Variants in TESMIN observed in about 807,000 individuals in gnomAD.
The protein encoded by TESMIN is CXC domain containing 2.
In TESMIN, 34 loss-of-function variants were observed where a neutral mutation model predicts 47.4. The ratio of observed to expected loss-of-function variants is 0.72; its 90% CI spans 0.55 to 0.96. The LOEUF is 0.96. Among genes scored for constraint, TESMIN ranks in the 40% least tolerant of loss-of-function variants. The pLI, the probability that TESMIN is intolerant of heterozygous loss-of-function variation, is 0.00. For missense variants in TESMIN, 610 were observed against 637.2 expected (o/e 0.96, Z 0.46); for synonymous variants, 278 against 258.9 (o/e 1.07, Z -0.71).
intron 6 of TESMIN, among the ~76,000 whole-genome samples, chr11:68,719,778 C>G (rs1047445235): frequency 3.9e-5 from 6 of 152,102 alleles, no homozygotes; most frequent in Non-Finnish European, 4.4e-5. Flanking sequence ...AGATGCAGCA[C>G]AGAAGACAGA....
In TESMIN at chr11:68,750,311, G is replaced by C. The variant is rs749607646; in HGVS notation, c.350C>G (p.Pro117Arg). The C allele has an allele frequency of 1.3e-6, 2 of 1,520,976 alleles. No homozygotes were observed. Among genetic ancestry groups the C allele is most frequent in the African/African-American group, 2.8e-5 (2 of 70,900 alleles). 94.2% of individuals were successfully genotyped at this position (1,520,976 alleles called of 1,614,324 possible). Reference sequence around the variant, plus strand: ...CAGGAAGTGCACGTTGCAGGCGGGCGGCTGCGGGGCCTGCAGGAGCGCGAC... The same window carrying C: ...CAGGAAGTGCACGTTGCAGGCGGGCCGCTGCGGGGCCTGCAGGAGCGCGAC... Reference protein sequence around the residue: ...EDVALLQAPQPPACNVHFLSS... With the variant: ...EDVALLQAPQRPACNVHFLSS... Residue 117 changes from proline to arginine, a missense_variant, in exon 2 of 10, where the codon CCG becomes CGG. Physicochemically the swap from Pro to Arg is moderately radical, Grantham distance 103. Transcript: ENST00000255087.
At chr11:68,735,856 A>G (rs1482821551) in intron 6 of TESMIN, among the ~76,000 whole-genome samples, 1 of 152,256 alleles carries the variant, frequency 6.6e-6, no homozygotes, top group African/African-American at 2.4e-5. Context: ...TTTCTTCACT[A>G]TTACTCAACA....
At chr11:68,737,547 C>A (rs986666794) in intron 6 of TESMIN, 2 of 985,650 alleles carry the variant, frequency 2.0e-6, no homozygotes, top group Non-Finnish European at 2.4e-6. Flanking sequence ...CTGGAGGCTG[C>A]GGGCTGTATC....
rs1946057700 is a variant in TESMIN, at chr11:68,710,969, C to G, written c.1239G>C (p.Met413Ile). 4 of 1,613,948 alleles carry G rather than the reference C, an allele frequency of 2.5e-6. No individual in the cohort carries two copies. Among genetic ancestry groups the G allele is most frequent in the Non-Finnish European group, 3.4e-6 (4 of 1,179,884 alleles). ...YEESPERKTL[M>I]SMPNYMQTGG... The stretch of plus-strand genomic sequence containing the variant: ...CAGTCTGCATGTAGTTTGGCATGCT[C>G]ATTAGTGTCTTTCGTTCTGGGCTTT... Residue 413 changes from methionine (M) to isoleucine (I), a missense_variant, in exon 9 of 10, where the codon ATG becomes ATC. By Grantham distance (10) the Met-to-Ile change is conservative. Transcript: ENST00000255087.
chr11:68,724,997 GA>G (rs1298430560), intron 6 of TESMIN, among the ~76,000 whole-genome samples: 1 of 152,108 alleles, frequency 6.6e-6, no homozygotes, highest in Non-Finnish European at 1.5e-5. Flanking sequence ...ATAAGGCAAG[GA>G]AAAGGGAAAA....
chr11:68,750,431 C>A lies in TESMIN; in HGVS notation c.230G>T (p.Gly77Val), dbSNP rs1337198536. 11 of 1,563,124 alleles carry A rather than the reference C, an allele frequency of 7.0e-6. No homozygotes were observed. Among genetic ancestry groups the A allele is most frequent in the Non-Finnish European group, 8.7e-6 (10 of 1,152,958 alleles). ...CCCCGCGAGCTTCGCCTTGACCTGG[C>A]CCTTGCAGTCGGCGCCCAGCGCGGG... is the stretch of plus-strand genomic sequence containing the variant. ...FNPALGADCKGQVKAKLAGGD... is the reference protein window; with the variant it reads ...FNPALGADCKVQVKAKLAGGD... Residue 77 changes from glycine (G) to valine (V), a missense_variant, in exon 2 of 10, where the codon GGC becomes GTC. Transcript: ENST00000255087.
In TESMIN at chr11:68,750,206, C is replaced by A. The variant is rs201758013; in HGVS notation, c.455G>T (p.Gly152Val). ...GGTTCTTACTGGGATCATGCGGACGCCCGGGTGGGAGGCTCCTTCCAGGAC... is the reference window on the plus strand; with the variant it reads ...GGTTCTTACTGGGATCATGCGGACGACCGGGTGGGAGGCTCCTTCCAGGAC... Reference protein sequence around the residue: ...AWVLEGASHPGVRMIPVEIKE... With the variant: ...AWVLEGASHPVVRMIPVEIKE... Residue 152 changes from glycine (G) to valine (V), a missense_variant, in exon 2 of 10, where the codon GGC (glycine) becomes GTC (valine). Coordinates refer to ENST00000255087, the MANE Select transcript of TESMIN (RefSeq NM_004923.3). The A allele has an allele frequency of 6.7e-7, 1 of 1,491,948 alleles. No homozygotes were observed. Among genetic ancestry groups the A allele is most frequent in the Non-Finnish European group, 8.8e-7 (1 of 1,133,028 alleles). The allele number at this position is 1,491,948 out of a possible 1,614,324, so 92.4% of individuals were successfully genotyped here.
intron 6 of TESMIN, among the ~76,000 whole-genome samples, chr11:68,722,927 A>C (rs912998514): frequency 6.6e-6 from 1 of 152,210 alleles, no homozygotes. Flanking sequence ...GCAAAATAGA[A>C]TTATAAGGAA....
At chr11:68,710,717 T>G in intron 9 of TESMIN, 157 bp downstream of exon 9, 1 of 655,674 alleles carries the variant, frequency 1.5e-6, no homozygotes, top group South Asian at 2.3e-5. Context: ...CCACCCAGGA[T>G]TAGCCCATGG....
chr11:68,715,025 A>T (rs1318563048), intron 7 of TESMIN, among the ~76,000 whole-genome samples: 1 of 152,242 alleles, frequency 6.6e-6, no homozygotes, highest in Non-Finnish European at 1.5e-5. Context: ...TTGGTTAGAT[A>T]TTTCAAGTCA....
At chr11:68,720,938 CTGAAA>C (rs1946196787) in intron 6 of TESMIN, among the ~76,000 whole-genome samples, 1 of 152,044 alleles carries the variant, frequency 6.6e-6, no homozygotes, top group South Asian at 2.1e-4. Context: ...ACTATACATA[CTGAAA>C]TAAGTATATG....
chr11:68,750,427 C>T lies in TESMIN; in HGVS notation c.234G>A (p.Gln78=). 1 of 1,559,162 alleles carries T rather than the reference C, an allele frequency of 6.4e-7. No individual in the cohort carries two copies. The change falls in exon 2 of 10, where the codon CAG becomes CAA. Residue 78 remains glutamine, a synonymous_variant. Transcript: ENST00000255087. ...NPALGADCKG[Q]VKAKLAGGDS... ...CGCCCCCCGCGAGCTTCGCCTTGAC[C>T]TGGCCCTTGCAGTCGGCGCCCAGCG...
chr11:68,738,848 A>C, intron 5 of TESMIN, 60 bp from the exon 6 acceptor site: 1 of 1,406,936 alleles, frequency 7.1e-7, no homozygotes, highest in Non-Finnish European at 1.0e-6. Context: ...AGTTCCAGTC[A>C]GCCAGCCCCC....
intron 7 of TESMIN, among the ~76,000 whole-genome samples, chr11:68,713,875 G>A (rs61887055): frequency 0.015 from 2,263 of 151,950 alleles, 27 homozygotes; most frequent in Non-Finnish European, 0.022. Context: ...AGCAACTAAC[G>A]TATGATTGTT....
intron 6 of TESMIN, among the ~76,000 whole-genome samples, chr11:68,729,928 G>C (rs1400502241): frequency 6.6e-6 from 1 of 152,202 alleles, no homozygotes; most frequent in Non-Finnish European, 1.5e-5. Flanking sequence ...TTTCCTGAAA[G>C]GAAGAGTCAG....
Position 68,715,912 on chromosome 11 carries a change from G to C in TESMIN, c.945C>G (p.Asp315Glu), listed in dbSNP as rs768970537. Reference sequence around the variant, plus strand: ...TATTACAATTGCAGTTGTTGCAAAAGTCCCCACTGGCAAAGCAGTCACAGT... The same window carrying C: ...TATTACAATTGCAGTTGTTGCAAAACTCCCCACTGGCAAAGCAGTCACAGT... The part of the protein sequence containing the change: ...AGYCDCFASG[D>E]FCNNCNCNNC... The change falls in exon 7 of 10, where the codon GAC becomes GAG. Residue 315 changes from aspartate (D) to glutamate (E), a missense_variant. Coordinates refer to ENST00000255087, the MANE Select transcript of TESMIN (RefSeq NM_004923.3). 1.2e-6 allele frequency: 2 copies of C among 1,612,998 alleles called. No homozygotes were observed. Among genetic ancestry groups the C allele is most frequent in the Non-Finnish European group, 1.7e-6 (2 of 1,179,048 alleles).
Position 68,750,246 on chromosome 11 carries a change from G to A in TESMIN, c.415C>T (p.Pro139Ser). 4 of 1,537,104 alleles carry A rather than the reference G, an allele frequency of 2.6e-6. No homozygotes were observed. Among genetic ancestry groups the A allele is most frequent in the Non-Finnish European group, 3.5e-6 (4 of 1,152,212 alleles). The change falls in exon 2 of 10, where the codon CCC becomes TCC. Residue 139 changes from proline (P) to serine (S), a missense_variant. Pro to Ser is a moderately conservative substitution (Grantham distance 74). Transcript: ENST00000255087. ...LPAHRSPAVLPLGAWVLEGAS... is the reference protein window; with the variant it reads ...LPAHRSPAVLSLGAWVLEGAS... ...CCTTCCAGGACCCAGGCGCCCAGGG[G>A]CAACACCGCCGGGCTGCGGTGCGCG...
intron 6 of TESMIN, chr11:68,737,741 G>A: frequency 1.1e-6 from 1 of 896,098 alleles, no homozygotes; most frequent in Non-Finnish European, 1.3e-6. Flanking sequence ...GTAAAACCCA[G>A]TCTCTACTAA....
At chr11:68,729,296 C>G (rs1384394710) in intron 6 of TESMIN, among the ~76,000 whole-genome samples, 2 of 152,138 alleles carry the variant, frequency 1.3e-5, no homozygotes, top group Non-Finnish European at 2.9e-5. Flanking sequence ...GAGGCTGAGG[C>G]AGGCGGATCA....
Sources: allele counts gnomAD v4.1 joint callset (sites outside exome capture counted in the v4.1 genomes callset), GRCh38; gene constraint gnomAD v4.1.1; transcripts MANE v1.5; gene names NCBI Gene and HGNC (gene_info 2026-07-23, HGNC 2026-07-21).